The following FAM178B variants were observed in gnomAD, a reference collection of about 807,000 sequenced individuals.
FAM178B encodes family with sequence similarity 178 member B, also known as protein FAM178B.
Under a neutral mutation model 91.7 loss-of-function variants are expected in FAM178B, and 82 were observed. The ratio of observed to expected loss-of-function variants is 0.89; its 90% confidence interval spans 0.75 to 1.07. The LOEUF (loss-of-function observed/expected upper bound fraction) is 1.07, where lower values mean the gene tolerates loss of function less well. Ranked by LOEUF, FAM178B falls within the 50% of genes least tolerant of loss-of-function variation. FAM178B has a pLI of 0.00. For synonymous variants in FAM178B, 368 were observed against 359.4 expected (o/e 1.02, Z -0.27); for missense variants, 769 against 846.7 (o/e 0.91, Z 1.14).
chr2:96,887,152 T>C (rs936680950), intron 14 of FAM178B, among the ~76,000 whole-genome samples: 1 of 152,004 alleles, frequency 6.6e-6, no homozygotes, highest in Non-Finnish European at 1.5e-5. Context: ...GAGGCGGAGC[T>C]TGTAGTGAGC....
chr2:96,971,879 C>A lies in FAM178B; in HGVS notation c.564+22G>T, dbSNP rs1160404819. The A allele has an allele frequency of 2.7e-6, 4 of 1,465,272 alleles. No homozygotes were observed. The African/African-American group carries it at 4.3e-5, about 16-fold the overall frequency. The allele number at this position is 1,465,272 out of a possible 1,614,324, so 90.8% of individuals were successfully genotyped here. A position where few individuals can be genotyped will look rare whatever the true frequency, so the allele number is the denominator to read the frequency against. On this transcript the variant is annotated intron_variant, in intron 3 of 16. Transcript: ENST00000490605. ...AAGATGGGTAGCCAAGGAGAAGAGGCCAAGGGTGGACACAGGCTCACCTCT... is the reference window on the plus strand; with the variant it reads ...AAGATGGGTAGCCAAGGAGAAGAGGACAAGGGTGGACACAGGCTCACCTCT...
chr2:96,932,157 C>T (rs541796128), intron 8 of FAM178B, among the ~76,000 whole-genome samples: 2 of 152,152 alleles, frequency 1.3e-5, no homozygotes, highest in South Asian at 2.1e-4. Context: ...AGGTTGTGCC[C>T]GCCTCCCCTT....
chr2:96,905,832 A>ATGTATG (rs1559063948), intron 12 of FAM178B, among the ~76,000 whole-genome samples: 6 of 25,844 alleles, frequency 2.3e-4, no homozygotes, highest in African/African-American at 7.8e-4. Flanking sequence ...ATATATATAT[A>ATGTATG]TATATATATA....
chr2:96,883,223 A>G (rs2153367506), intron 14 of FAM178B, among the ~76,000 whole-genome samples: 1 of 152,338 alleles, frequency 6.6e-6, no homozygotes, highest in South Asian at 2.1e-4. Context: ...TCCCCCAGCC[A>G]AGACTCCCAA....
At chr2:96,912,864 C>T (rs1041686619) in intron 12 of FAM178B, among the ~76,000 whole-genome samples, 3 of 152,152 alleles carry the variant, frequency 2.0e-5, no homozygotes, top group African/African-American at 4.8e-5. Flanking sequence ...TGGCCTCACC[C>T]GCCCACAGTG....
chr2:96,878,269 G>T, intron 15 of FAM178B, 147 bp downstream of exon 15: 1 of 842,822 alleles, frequency 1.2e-6, no homozygotes, highest in Non-Finnish European at 1.9e-6. Context: ...AGAGGCCCTG[G>T]CTCTCCCACG....
chr2:96,923,160 A>G (rs533171961), intron 10 of FAM178B, among the ~76,000 whole-genome samples: 2 of 151,584 alleles, frequency 1.3e-5, no homozygotes, highest in South Asian at 4.2e-4. Context: ...TTTAGTACAG[A>G]TGGGGTTTCA....
chr2:96,916,058 G>A (rs1186940235), intron 12 of FAM178B, among the ~76,000 whole-genome samples: 1 of 152,184 alleles, frequency 6.6e-6, no homozygotes, highest in Non-Finnish European at 1.5e-5. Context: ...CGATGGTGGG[G>A]CACTGAGGCA....
intron 8 of FAM178B, among the ~76,000 whole-genome samples, chr2:96,946,686 C>T (rs891455312): frequency 1.4e-4 from 22 of 152,246 alleles, no homozygotes; most frequent in Admixed American, 1.2e-3. Context: ...TCTGCCTCAG[C>T]GGAGGAGACA....
chr2:96,962,661 A>G (rs1038935021), intron 5 of FAM178B, among the ~76,000 whole-genome samples: 1 of 152,152 alleles, frequency 6.6e-6, no homozygotes, highest in African/African-American at 2.4e-5. Context: ...TGTGGTTTAA[A>G]TATCTGCCTC....
chr2:96,936,408 A>G (rs972007537), intron 8 of FAM178B, among the ~76,000 whole-genome samples: 7 of 150,708 alleles, frequency 4.6e-5, no homozygotes, highest in Non-Finnish European at 8.8e-5. Flanking sequence ...TCACCATATT[A>G]GCCAGGATGG....
At chr2:96,942,441 G>A (rs1472742336) in intron 8 of FAM178B, among the ~76,000 whole-genome samples, 2 of 152,186 alleles carry the variant, frequency 1.3e-5, no homozygotes, top group African/African-American at 4.8e-5. Flanking sequence ...CGCCCAGGCT[G>A]GAGTGCAGTG....
intron 12 of FAM178B, among the ~76,000 whole-genome samples, chr2:96,903,215 A>G (rs2080968140): frequency 6.6e-6 from 1 of 152,024 alleles, no homozygotes; most frequent in South Asian, 2.1e-4. Flanking sequence ...GATTTTTTGT[A>G]TTTTTAGTAG....
chr2:96,971,264 T>C (rs2082213444), intron 3 of FAM178B, among the ~76,000 whole-genome samples: 1 of 114,954 alleles, frequency 8.7e-6, no homozygotes, highest in African/African-American at 3.4e-5. Flanking sequence ...CCTCCCTCTC[T>C]CTCCTTCTCC....
Position 96,947,697 on chromosome 2 carries a change from C to T in FAM178B, c.1078+121G>A, listed in dbSNP as rs143535008. 80 of 620,452 alleles carry T rather than the reference C, an allele frequency of 1.3e-4. 1 individual carries two copies. The East Asian group carries it at 2.0e-3, about 16-fold the overall frequency. The allele number at this position is 620,452 out of a possible 1,614,324, so 38.4% of individuals were successfully genotyped here. A position where few individuals can be genotyped will look rare whatever the true frequency, so the allele number is the denominator to read the frequency against. On this transcript the variant is annotated intron_variant, in intron 8 of 16. Coordinates refer to ENST00000490605, the MANE Select transcript of FAM178B (RefSeq NM_001122646.3). ...AGCCAAAGATGGCCTGATGCCTCTA[C>T]ACCCTGGATGCAATGTCCCACCAGC...
intron 11 of FAM178B, 33 bp from the exon 12 acceptor site, chr2:96,921,295 A>C (rs1238921086): frequency 6.5e-7 from 1 of 1,543,758 alleles, no homozygotes; most frequent in Non-Finnish European, 8.8e-7. Context: ...GGGCTACAGG[A>C]GGACACCGCC....
intron 8 of FAM178B, among the ~76,000 whole-genome samples, chr2:96,946,279 T>C (rs1309035110): frequency 1.3e-5 from 2 of 152,238 alleles, no homozygotes; most frequent in African/African-American, 4.8e-5. Context: ...TATTCCACTG[T>C]ATGTATGTAC....
intron 14 of FAM178B, among the ~76,000 whole-genome samples, chr2:96,886,786 C>T (rs1441104354): frequency 2.6e-5 from 4 of 152,208 alleles, no homozygotes; most frequent in Non-Finnish European, 5.9e-5. Flanking sequence ...TGTGCTTGGC[C>T]GTCTTCGGTG....
chr2:96,935,791 G>A (rs1353860352), intron 8 of FAM178B, among the ~76,000 whole-genome samples: 2 of 151,228 alleles, frequency 1.3e-5, no homozygotes, highest in African/African-American at 2.5e-5. Flanking sequence ...GCACCACCAC[G>A]CCTGGATAAT....
Sources: allele counts gnomAD v4.1 joint callset (sites outside exome capture counted in the v4.1 genomes callset), GRCh38; gene constraint gnomAD v4.1.1; transcripts MANE v1.5; gene names NCBI Gene and HGNC (gene_info 2026-07-23, HGNC 2026-07-21).